KAZN: variants seen among roughly 807,000 people sequenced by gnomAD.
KAZN encodes the protein kazrin.
Under a neutral mutation model 87.4 loss-of-function variants are expected in KAZN, and 40 were observed. That is an observed-to-expected ratio of 0.46 (90% CI 0.36 to 0.60). KAZN has a LOEUF of 0.60. Ranked by LOEUF, KAZN falls within the 20% of genes least tolerant of loss-of-function variation. The pLI, the probability that KAZN is intolerant of heterozygous loss-of-function variation, is 0.00. For synonymous variants in KAZN, 466 were observed against 458.3 expected (o/e 1.02, Z -0.22); for missense variants, 898 against 1,073.9 (o/e 0.84, Z 2.29).
chr1:13,932,823 T>C (rs1021198681), intron 1 of KAZN, among the ~76,000 whole-genome samples: 6 of 152,216 alleles, frequency 3.9e-5, no homozygotes, highest in African/African-American at 1.4e-4. Flanking sequence ...GTCACGCATG[T>C]ATCTTTTTCT....
chr1:14,952,040 A>C (rs1662548785), intron 1 of KAZN, among the ~76,000 whole-genome samples: 1 of 152,126 alleles, frequency 6.6e-6, no homozygotes, highest in Non-Finnish European at 1.5e-5. Flanking sequence ...GGACCACCGC[A>C]ACCCTACATG....
At chr1:14,116,086 AG>A (rs1474858550) in intron 1 of KAZN, among the ~76,000 whole-genome samples, 3 of 149,670 alleles carry the variant, frequency 2.0e-5, no homozygotes, top group African/African-American at 7.6e-5. Flanking sequence ...GGAGCATAAA[AG>A]TTCAAAAATT....
chr1:14,368,010 T>A (rs1660157203), intron 2 of KAZN, among the ~76,000 whole-genome samples: 1 of 152,216 alleles, frequency 6.6e-6, no homozygotes. Flanking sequence ...TAAGTTCACA[T>A]CTTGGTTTCA....
chr1:14,179,674 T>G (rs1433748782), intron 1 of KAZN, among the ~76,000 whole-genome samples: 1 of 152,252 alleles, frequency 6.6e-6, no homozygotes, highest in African/African-American at 2.4e-5. Context: ...AAAGAAATAT[T>G]AATTCACAGA....
At chr1:14,180,777 C>CT (rs1219798686) in intron 2 of KAZN, among the ~76,000 whole-genome samples, 1 of 152,108 alleles carries the variant, frequency 6.6e-6, no homozygotes, top group African/African-American at 2.4e-5. Context: ...ATTAAAATAG[C>CT]TTTTTAAAAA....
chr1:15,035,336 G>A (rs1333890738), intron 3 of KAZN, among the ~76,000 whole-genome samples: 1 of 152,228 alleles, frequency 6.6e-6, no homozygotes, highest in East Asian at 1.9e-4. Context: ...CATAATAAAA[G>A]TGTGAAGAGA....
rs565080963 is a variant in KAZN at position 15,094,038 on chromosome 1, G to A, written c.1223-142G>A. On this transcript the variant is annotated intron_variant, in intron 8 of 14. Coordinates refer to ENST00000376030, the MANE Select transcript of KAZN (RefSeq NM_201628.3). This position sits in a 1 kb window ranked among gnomAD's most constrained non-coding sequence, Gnocchi z 4.5. ...GGGGCAAGGGCAGAAAAACAAAAAC[G>A]CCAAAAGCCACTTTGATTTTGAAGA... The A allele has an allele frequency of 4.8e-5, 32 of 671,368 alleles. No homozygotes were observed. Among genetic ancestry groups the A allele is most frequent in the African/African-American group, 4.5e-4 (25 of 55,446 alleles). The allele number at this position is 671,368 out of a possible 1,614,324, so 41.6% of individuals were successfully genotyped here. A position where few individuals can be genotyped will look rare whatever the true frequency, so the allele number is the denominator to read the frequency against.
chr1:14,785,660 T>TG (rs1164801437), intron 1 of KAZN, among the ~76,000 whole-genome samples: 1 of 152,198 alleles, frequency 6.6e-6, no homozygotes, highest in Non-Finnish European at 1.5e-5. Context: ...ATTTACCCCG[T>TG]CTAAGCCTCA....
At chr1:14,445,847 G>A (rs999565316) in intron 2 of KAZN, among the ~76,000 whole-genome samples, 9 of 152,048 alleles carry the variant, frequency 5.9e-5, no homozygotes, top group African/African-American at 2.2e-4. Flanking sequence ...AGGCTCCCAG[G>A]GTTCCCGCCA....
intron 1 of KAZN, among the ~76,000 whole-genome samples, chr1:14,068,505 T>TA (rs1022327909): frequency 8.6e-5 from 13 of 151,336 alleles, no homozygotes; most frequent in South Asian, 6.3e-4. Context: ...GGATATGCAT[T>TA]AAAAAAAAAT....
At chr1:14,100,132 T>A (rs1644216643) in intron 1 of KAZN, among the ~76,000 whole-genome samples, 1 of 152,022 alleles carries the variant, frequency 6.6e-6, no homozygotes, top group Non-Finnish European at 1.5e-5. Context: ...AACCAGCCCC[T>A]CACTAGCCCA....
chr1:14,861,000 AG>A (rs1650777319), intron 1 of KAZN, among the ~76,000 whole-genome samples: 1 of 152,176 alleles, frequency 6.6e-6, no homozygotes, highest in South Asian at 2.1e-4. Context: ...ATGTGAAGGA[AG>A]GGAAAGAGAG....
intron 1 of KAZN, among the ~76,000 whole-genome samples, chr1:13,984,655 G>A (rs1249564875): frequency 6.6e-6 from 1 of 152,132 alleles, no homozygotes; most frequent in Non-Finnish European, 1.5e-5. Flanking sequence ...GTGATTTTAT[G>A]TATGTTACTA....
intron 1 of KAZN, among the ~76,000 whole-genome samples, chr1:14,621,453 A>G (rs1333303298): frequency 6.6e-6 from 1 of 152,230 alleles, no homozygotes; most frequent in Non-Finnish European, 1.5e-5. Context: ...ACTCTGGGCT[A>G]TAAGGAACCA....
chr1:14,164,773 A>G (rs1645788817), intron 1 of KAZN, among the ~76,000 whole-genome samples: 1 of 151,882 alleles, frequency 6.6e-6, no homozygotes, highest in African/African-American at 2.4e-5. Context: ...TCCTAACCTC[A>G]GGTGATCCGC....
At chr1:14,521,500 T>C (rs1377313935) in intron 2 of KAZN, among the ~76,000 whole-genome samples, 1 of 152,208 alleles carries the variant, frequency 6.6e-6, no homozygotes, top group Non-Finnish European at 1.5e-5. Context: ...GTGAACCCTG[T>C]AATGCTGAGA....
At chr1:14,137,166 A>G (rs762808581) in intron 1 of KAZN, among the ~76,000 whole-genome samples, 1 of 152,180 alleles carries the variant, frequency 6.6e-6, no homozygotes, top group African/African-American at 2.4e-5. Flanking sequence ...AGCTCCGGGA[A>G]TGGAGTCCAG....
At chr1:15,085,882 A>G (rs1640229017) in intron 8 of KAZN, among the ~76,000 whole-genome samples, 1 of 152,232 alleles carries the variant, frequency 6.6e-6, no homozygotes, top group African/African-American at 2.4e-5. Flanking sequence ...GAGTCCAGAG[A>G]TACAGGAAGC....
intron 2 of KAZN, among the ~76,000 whole-genome samples, chr1:14,538,665 A>G (rs1571888856): frequency 6.6e-6 from 1 of 152,216 alleles, no homozygotes; most frequent in African/African-American, 2.4e-5. Flanking sequence ...TAAATTATGG[A>G]GAAGACACAT....
Sources: gnomAD v4.1 joint callset for allele counts (sites outside exome capture counted in the v4.1 genomes callset) on GRCh38, gnomAD v4.1.1 for gene constraint, Gnocchi (gnomAD v3.1) non-coding constraint, MANE v1.5 for transcripts, NCBI Gene and HGNC (gene_info 2026-07-23, HGNC 2026-07-21) for gene names.